Variants in PRPSAP2 observed in about 807,000 individuals in gnomAD.
PRPSAP2 encodes phosphoribosyl pyrophosphate synthetase associated protein 2, also known as phosphoribosyl pyrophosphate synthase-associated protein 2.
PRPSAP2 carries 24 observed loss-of-function variants against 40.6 expected under a neutral mutation model. That is an observed-to-expected ratio of 0.59 (90% CI 0.43 to 0.83). The LOEUF is 0.83. Among genes scored for constraint, PRPSAP2 ranks in the 40% least tolerant of loss-of-function variants. PRPSAP2 has a pLI of 0.00. For missense variants in PRPSAP2, 292 were observed against 465.6 expected (o/e 0.63, Z 3.43); for synonymous variants, 149 against 164.7 (o/e 0.90, Z 0.73).
chr17:18,889,349 AT>A lies in PRPSAP2; in HGVS notation c.529-466del, dbSNP rs1000575212. ...AAAGCAATGAGAATATAGTTAATAT[AT>A]TTTTTTAAAATAGTGCTGGGCCGAT... On this transcript the variant is annotated intron_variant, in intron 7 of 11. Coordinates refer to ENST00000268835, the MANE Select transcript of PRPSAP2 (RefSeq NM_002767.4). Among the ~76,000 whole-genome samples the A allele has an allele frequency of 5.4e-3, 815 of 152,326 alleles. 13 individuals are homozygous for A. Among genetic ancestry groups the A allele is most frequent in the African/African-American group, 0.019 (790 of 41,572 alleles).
At chr17:18,892,539 T>C (rs2039612013) in intron 8 of PRPSAP2, among the ~76,000 whole-genome samples, 1 of 151,914 alleles carries the variant, frequency 6.6e-6, no homozygotes, top group Non-Finnish European at 1.5e-5. Context: ...TGTGAAATTC[T>C]ACCTTATCGT....
At chr17:18,929,604 T>C (rs2042154814) in intron 11 of PRPSAP2, 1 of 152,202 alleles carries the variant, frequency 6.6e-6, no homozygotes, top group South Asian at 2.1e-4. Context: ...AATGAGATTA[T>C]ACAATGTGTG....
intron 4 of PRPSAP2, among the ~76,000 whole-genome samples, chr17:18,869,341 C>CTTTTTTTTTTT (rs545524445): frequency 7.1e-6 from 1 of 140,370 alleles, no homozygotes. Context: ...CTTTTCTTTT[C>CTTTTTTTTTTT]TTTTTTTTTT....
intron 4 of PRPSAP2, 85 bp downstream of exon 4, chr17:18,867,419 C>A: frequency 6.8e-7 from 1 of 1,480,292 alleles, no homozygotes; most frequent in Non-Finnish European, 9.4e-7. Context: ...ACTATTGAAA[C>A]GATTTGATTC....
At chr17:18,905,045 CAG>C (rs1212309851) in intron 8 of PRPSAP2, 2 of 152,054 alleles carry the variant, frequency 1.3e-5, no homozygotes. Context: ...TTTTTTGAGA[CAG>C]AGTCTTGCTG....
At chr17:18,864,706 C>T (rs764653868) in intron 1 of PRPSAP2, among the ~76,000 whole-genome samples, 1 of 152,230 alleles carries the variant, frequency 6.6e-6, no homozygotes, top group Admixed American at 6.5e-5. Flanking sequence ...CACCAGCCTT[C>T]CCAGAGGTCC....
At chr17:18,922,734 T>C (rs1234410640) in intron 9 of PRPSAP2, among the ~76,000 whole-genome samples, 1 of 139,244 alleles carries the variant, frequency 7.2e-6, no homozygotes, top group African/African-American at 2.7e-5. Flanking sequence ...AGTGCAGTGG[T>C]GCAATCGTGG....
chr17:18,868,113 C>T (rs1172129452), intron 4 of PRPSAP2, among the ~76,000 whole-genome samples: 1 of 151,042 alleles, frequency 6.6e-6, no homozygotes, highest in East Asian at 1.9e-4. Context: ...GAGACCCTGT[C>T]TCAAAAATAA....
At chr17:18,887,879 G>T in intron 7 of PRPSAP2, among the ~76,000 whole-genome samples, 1 of 30,046 alleles carries the variant, frequency 3.3e-5, no homozygotes, top group Non-Finnish European at 8.0e-5. Context: ...GATAATTCTT[G>T]GGTGTTTCTC....
intron 8 of PRPSAP2, among the ~76,000 whole-genome samples, chr17:18,903,153 C>A (rs1232436354): frequency 6.6e-6 from 1 of 151,666 alleles, no homozygotes; most frequent in African/African-American, 2.4e-5. Context: ...AGAGGCTGGG[C>A]GCATTGGCTC....
chr17:18,873,094 G>A (rs1030097662), intron 5 of PRPSAP2, among the ~76,000 whole-genome samples: 7 of 150,268 alleles, frequency 4.7e-5, no homozygotes. Context: ...TGCCCGCCTC[G>A]GCCTACCAAA....
At chr17:18,914,249 CTTTTTT>C (rs60892883) in intron 9 of PRPSAP2, among the ~76,000 whole-genome samples, 10 of 48,086 alleles carry the variant, frequency 2.1e-4, no homozygotes, top group East Asian at 6.0e-4. Flanking sequence ...CATGTTTTTG[CTTTTTT>C]TTTTTTTTTT....
Position 18,925,261 on chromosome 17 carries a change from C to T in PRPSAP2, c.804+1277C>T, listed in dbSNP as rs185123988. Among the ~76,000 whole-genome samples, 7 of 152,260 alleles carry T rather than the reference C, an allele frequency of 4.6e-5. No individual in the cohort carries two copies. In the East Asian group the frequency reaches 9.6e-4, roughly 21 times the overall value. On this transcript the variant is annotated intron_variant, in intron 10 of 11. Transcript: ENST00000268835. ...AAGAATAGAATGAACACTGGGTACC[C>T]GCTAGCTCACTTGAGGCATAGATCA...
At chr17:18,918,505 G>A (rs1001073207) in intron 9 of PRPSAP2, among the ~76,000 whole-genome samples, 1 of 152,240 alleles carries the variant, frequency 6.6e-6, no homozygotes, top group African/African-American at 2.4e-5. Flanking sequence ...TAAGATAGCA[G>A]TATCTGCGGG....
chr17:18,916,761 A>G (rs2041343760), intron 9 of PRPSAP2, among the ~76,000 whole-genome samples: 1 of 152,174 alleles, frequency 6.6e-6, no homozygotes, highest in South Asian at 2.1e-4. Flanking sequence ...AGGCACCAGC[A>G]GATTGGTGTC....
intron 10 of PRPSAP2, among the ~76,000 whole-genome samples, chr17:18,927,434 T>A (rs1223123991): frequency 6.6e-6 from 1 of 152,250 alleles, no homozygotes; most frequent in Non-Finnish European, 1.5e-5. Context: ...TTGTTTAACC[T>A]ACCATGATTC....
chr17:18,856,864 G>A (rs1023320644), upstream of PRPSAP2, among the ~76,000 whole-genome samples: 1 of 152,104 alleles, frequency 6.6e-6, no homozygotes, highest in Non-Finnish European at 1.5e-5. Flanking sequence ...GATTAAATAA[G>A]TTACCGTTAA....
At chr17:18,922,668 A>ATT (rs57263191) in intron 9 of PRPSAP2, among the ~76,000 whole-genome samples, 3,013 of 89,638 alleles carry the variant, frequency 0.034, 123 homozygotes, top group Non-Finnish European at 0.04. Flanking sequence ...TATATATATA[A>ATT]TTTTTTTTTT....
rs1176187966 is a variant in PRPSAP2, at chr17:18,923,844, T to C, written c.734-70T>C. ...GGTTGAATGTTTTTATCTTGAGATA[T>C]TAACTTCTTTAAAGTTTTGTTTTAC... On this transcript the variant is annotated intron_variant, in intron 9 of 11. Coordinates refer to ENST00000268835, the MANE Select transcript of PRPSAP2 (RefSeq NM_002767.4). The C allele has an allele frequency of 3.0e-6, 4 of 1,352,370 alleles. No homozygotes were observed. The Admixed American group carries it at 6.5e-5, about 22-fold the overall frequency. The allele number at this position is 1,352,370 out of a possible 1,614,324, so 83.8% of individuals were successfully genotyped here.
Sources: allele counts gnomAD v4.1 joint callset (sites outside exome capture counted in the v4.1 genomes callset), GRCh38; gene constraint gnomAD v4.1.1; transcripts MANE v1.5; gene names NCBI Gene and HGNC (gene_info 2026-07-23, HGNC 2026-07-21).